The following COL26A1 variants were observed in gnomAD, a reference collection of about 807,000 sequenced individuals.
COL26A1 encodes collagen alpha-1(XXVI) chain.
A neutral mutation model predicts 59.3 loss-of-function variants in COL26A1; 41 were observed. That is an observed-to-expected ratio of 0.69 (90% CI 0.54 to 0.90). The LOEUF (loss-of-function observed/expected upper bound fraction) is 0.90. Among genes scored for constraint, COL26A1 ranks in the 40% least tolerant of loss-of-function variants. The pLI, the probability that COL26A1 is intolerant of heterozygous loss-of-function variation, is 0.00. For synonymous variants in COL26A1, 266 were observed against 256.0 expected (o/e 1.04, Z -0.37); for missense variants, 612 against 602.3 (o/e 1.02, Z -0.17).
At chr7:101,497,816 C>G (rs1251270425) in intron 3 of COL26A1, among the ~76,000 whole-genome samples, 1 of 152,028 alleles carries the variant, frequency 6.6e-6, no homozygotes, top group African/African-American at 2.4e-5. Context: ...CCCCATCTTA[C>G]AAAAACATTT....
At position 101,447,805 on chromosome 7, in the gene COL26A1, T is replaced by C; in HGVS notation, c.385+18T>C. Reference sequence around the variant, plus strand: ...TGATGAGGGTAAGTTGGCAGGCACTTGGGCTGCAGGGGGCCAGGCGTGGGC... The same window carrying C: ...TGATGAGGGTAAGTTGGCAGGCACTCGGGCTGCAGGGGGCCAGGCGTGGGC... On this transcript the variant is annotated intron_variant, in intron 3 of 12. Transcript: ENST00000313669. 1 of 1,524,404 alleles carries C rather than the reference T, an allele frequency of 6.6e-7. No individual in the cohort carries two copies. The highest frequency in any genetic ancestry group is 1.8e-5 in the Admixed American group (1 of 54,780). 94.4% of individuals were successfully genotyped at this position (1,524,404 alleles called of 1,614,324 possible).
At chr7:101,368,765 C>T (rs4473960) in intron 1 of COL26A1, among the ~76,000 whole-genome samples, 1 of 151,804 alleles carries the variant, frequency 6.6e-6, no homozygotes, top group Non-Finnish European at 1.5e-5. Context: ...CCGGTGTCAA[C>T]CCCAACCTCC....
intron 3 of COL26A1, among the ~76,000 whole-genome samples, chr7:101,454,227 G>A (rs1793412082): frequency 6.6e-6 from 1 of 150,574 alleles, no homozygotes; most frequent in African/African-American, 2.4e-5. Context: ...GCAAAGAAGT[G>A]TCCTGTTCTT....
intron 3 of COL26A1, among the ~76,000 whole-genome samples, chr7:101,506,782 G>A (rs1794820536): frequency 6.6e-6 from 1 of 152,208 alleles, no homozygotes; most frequent in Non-Finnish European, 1.5e-5. Context: ...CCAGAGTGCT[G>A]TTATTTTGCA....
At chr7:101,386,878 G>C (rs1429884213) in intron 1 of COL26A1, among the ~76,000 whole-genome samples, 1 of 152,176 alleles carries the variant, frequency 6.6e-6, no homozygotes, top group Non-Finnish European at 1.5e-5. Flanking sequence ...TGGTAGCATT[G>C]CAAGTTGTCT....
chr7:101,505,668 C>T (rs886313861), intron 3 of COL26A1, among the ~76,000 whole-genome samples: 3 of 152,202 alleles, frequency 2.0e-5, no homozygotes, highest in East Asian at 1.9e-4. Context: ...CATTCTTCTG[C>T]GTGCTTTGTG....
intron 3 of COL26A1, among the ~76,000 whole-genome samples, chr7:101,463,871 T>TTCTTTCTTTCTTTCTG (rs1373887030): frequency 2.2e-5 from 2 of 89,220 alleles, no homozygotes; most frequent in African/African-American, 1.3e-4. Context: ...CTTTTTTCTT[T>TTCTTTCTTTCTTTCTG]TCTTTCTTTC....
intron 9 of COL26A1, among the ~76,000 whole-genome samples, chr7:101,550,358 G>A (rs57940516): frequency 0.14 from 20,864 of 152,080 alleles, 1,703 homozygotes; most frequent in Middle Eastern, 0.24. Context: ...CTACTTGGGA[G>A]GCTGAGATGG....
At chr7:101,467,639 G>A (rs1011075219) in intron 3 of COL26A1, among the ~76,000 whole-genome samples, 11 of 145,594 alleles carry the variant, frequency 7.6e-5, no homozygotes, top group Non-Finnish European at 1.6e-4. Context: ...AGGCTGAGGC[G>A]GGCAGATCAC....
At chr7:101,557,133 G>A (rs1218013530) in intron 12 of COL26A1, among the ~76,000 whole-genome samples, 3 of 151,920 alleles carry the variant, frequency 2.0e-5, no homozygotes, top group African/African-American at 7.3e-5. Flanking sequence ...GGATGAATGG[G>A]TGGATACACA....
intron 2 of COL26A1, among the ~76,000 whole-genome samples, chr7:101,438,760 T>C (rs1792976464): frequency 6.6e-6 from 1 of 151,482 alleles, no homozygotes; most frequent in African/African-American, 2.4e-5. Context: ...AACTTCCGCC[T>C]CTCGGGTTCA....
chr7:101,470,066 A>G (rs1364801081), intron 3 of COL26A1, among the ~76,000 whole-genome samples: 1 of 151,870 alleles, frequency 6.6e-6, no homozygotes, highest in African/African-American at 2.4e-5. Context: ...TCTCTGCTGC[A>G]GAGAGAGGGG....
chr7:101,499,648 C>T (rs1036793030), intron 3 of COL26A1, among the ~76,000 whole-genome samples: 2 of 152,044 alleles, frequency 1.3e-5, no homozygotes, highest in African/African-American at 4.8e-5. Flanking sequence ...TGCACCACTA[C>T]ACTCCAGCCT....
intron 3 of COL26A1, among the ~76,000 whole-genome samples, chr7:101,512,763 A>C (rs900026666): frequency 6.6e-6 from 1 of 152,214 alleles, no homozygotes; most frequent in African/African-American, 2.4e-5. Context: ...GCAGTGCACC[A>C]AAAAAGTAAT....
In COL26A1 at chr7:101,489,858, CTT is replaced by C. The variant is rs1563008331; in HGVS notation, c.385+42073_385+42074del. ...TCTTTCTTTCTTTCTTTCTTTCTTT[CTT>C]TCTTTCTTTCTTTCTTTCTTTCTTT... On this transcript the variant is annotated intron_variant, in intron 3 of 12. Coordinates refer to ENST00000313669, the MANE Select transcript of COL26A1 (RefSeq NM_001278563.3). 1.2e-3 allele frequency among the ~76,000 whole-genome samples: 46 copies of C among 39,684 alleles called. 1 individual carries two copies. Among genetic ancestry groups the C allele is most frequent in the Non-Finnish European group, 1.2e-3 (28 of 22,556 alleles). The allele number at this position is 39,684 out of a possible 152,430, so 26.0% of individuals were successfully genotyped here.
At chr7:101,435,015 C>T (rs1183110110) in intron 2 of COL26A1, among the ~76,000 whole-genome samples, 1 of 152,074 alleles carries the variant, frequency 6.6e-6, no homozygotes, top group Non-Finnish European at 1.5e-5. Context: ...GGAAGAGATG[C>T]TGGTGAGGAG....
In COL26A1 at chr7:101,555,809, G is replaced by A. The variant is rs199553591; in HGVS notation, c.1103G>A (p.Arg368Lys). Residue 368 changes from arginine to lysine, a missense_variant, in exon 12 of 13, where the codon AGA (arginine) becomes AAA (lysine). Transcript: ENST00000313669. ...CAGGGCGAGGGGGTGCAGCAGCTGA[G>A]AGAGGCCCTGAAGATCCTGGCAGAG... Reference protein sequence around the residue: ...TAEGEGVQQLREALKILAERV... With the variant: ...TAEGEGVQQLKEALKILAERV... 8.0e-4 allele frequency: 1,290 copies of A among 1,611,396 alleles called. 3 individuals carry two copies. The highest frequency in any genetic ancestry group is 9.7e-4 in the Non-Finnish European group (1,149 of 1,179,146).
chr7:101,394,585 C>CTTTT lies in COL26A1; in HGVS notation c.159-25377_159-25374dup, dbSNP rs59966789. ...CCACGCCTAGCTATTTTTTTCTTTTCTTTTTTTTTTTTTTTTTTGTAGAGA... is the reference window on the plus strand; with the variant it reads ...CCACGCCTAGCTATTTTTTTCTTTTCTTTTTTTTTTTTTTTTTTTTTTGTAGAGA... On this transcript the variant is annotated intron_variant, in intron 1 of 12. Transcript: ENST00000313669. Among the ~76,000 whole-genome samples, 477 of 122,782 alleles carry CTTTT rather than the reference C, an allele frequency of 3.9e-3. 6 individuals carry two copies. Among genetic ancestry groups the CTTTT allele is most frequent in the African/African-American group, 0.013 (429 of 32,490 alleles). The allele number at this position is 122,782 out of a possible 152,430, so 80.5% of individuals were successfully genotyped here. A position where few individuals can be genotyped will look rare whatever the true frequency, so the allele number is the denominator to read the frequency against.
At chr7:101,507,491 A>T (rs1261279828) in intron 3 of COL26A1, among the ~76,000 whole-genome samples, 1 of 150,210 alleles carries the variant, frequency 6.7e-6, no homozygotes, top group South Asian at 2.1e-4. Flanking sequence ...GTGTGATCAC[A>T]GTTCACTGCA....
Sources: gnomAD v4.1 joint callset for allele counts (sites outside exome capture counted in the v4.1 genomes callset) on GRCh38, gnomAD v4.1.1 for gene constraint, MANE v1.5 for transcripts, NCBI Gene and HGNC (gene_info 2026-07-23, HGNC 2026-07-21) for gene names.